The following UNC5D variants were observed in gnomAD, a reference collection of about 807,000 sequenced individuals.
The protein encoded by UNC5D is netrin receptor UNC5D.
UNC5D carries 39 observed loss-of-function variants against 105.4 expected under a neutral mutation model. The observed-to-expected ratio is 0.37, with a 90% CI of 0.29 to 0.48. UNC5D has a LOEUF of 0.48. Among genes scored for constraint, UNC5D ranks in the 20% least tolerant of loss-of-function variants. The probability of loss-of-function intolerance (pLI) is 0.98; values close to 1 mark genes in which losing one functional copy is unlikely to be tolerated. For synonymous variants in UNC5D, 452 were observed against 450.4 expected, an observed-to-expected ratio of 1.00 and a Z score of -0.04; for missense variants, 991 against 1,202.4, an observed-to-expected ratio of 0.82 and a Z score of 2.60.
chr8:35,507,137 G>A (rs1423806673), intron 1 of UNC5D, among the ~76,000 whole-genome samples: 2 of 133,568 alleles, frequency 1.5e-5, no homozygotes, highest in South Asian at 5.0e-4. Context: ...CTCACTGCAA[G>A]CTCCGCCTCC....
At chr8:35,737,894 G>A (rs1288224841) in intron 11 of UNC5D, among the ~76,000 whole-genome samples, 1 of 152,142 alleles carries the variant, frequency 6.6e-6, no homozygotes, top group African/African-American at 2.4e-5. Flanking sequence ...ATCACCTGAG[G>A]TCGGGAGTTC....
chr8:35,316,851 G>A (rs917417215), intron 1 of UNC5D, among the ~76,000 whole-genome samples: 1 of 152,044 alleles, frequency 6.6e-6, no homozygotes, highest in Non-Finnish European at 1.5e-5. Context: ...TATGCTGTCC[G>A]ATGGGTTAGC....
At chr8:35,487,512 C>G (rs1195732892) in intron 1 of UNC5D, among the ~76,000 whole-genome samples, 2 of 151,994 alleles carry the variant, frequency 1.3e-5, no homozygotes, top group Non-Finnish European at 2.9e-5. Flanking sequence ...TAGCCCTTCA[C>G]AAGTACATGA....
chr8:35,762,401 T>C (rs1354417695), intron 14 of UNC5D, among the ~76,000 whole-genome samples: 1 of 152,132 alleles, frequency 6.6e-6, no homozygotes, highest in Non-Finnish European at 1.5e-5. Flanking sequence ...GCCAGGTATA[T>C]TGGGTGAGAA....
chr8:35,472,195 A>G (rs1174131068), intron 1 of UNC5D, among the ~76,000 whole-genome samples: 1 of 152,218 alleles, frequency 6.6e-6, no homozygotes, highest in Non-Finnish European at 1.5e-5. Context: ...TATTATTCCC[A>G]TAGGTAGGAA....
chr8:35,756,318 C>T (rs1830515790), intron 13 of UNC5D, among the ~76,000 whole-genome samples: 1 of 151,946 alleles, frequency 6.6e-6, no homozygotes, highest in South Asian at 2.1e-4. Flanking sequence ...ATTTGAGGCC[C>T]TAGAGCAGAA....
chr8:35,712,279 A>G (rs1828012945), intron 8 of UNC5D, among the ~76,000 whole-genome samples: 1 of 152,208 alleles, frequency 6.6e-6, no homozygotes, highest in African/African-American at 2.4e-5. Context: ...TCAAAAAGAA[A>G]GAAAATCAAG....
rs757657413 is a variant in UNC5D, at chr8:35,614,476, C to T, written c.570+18819C>T. On this transcript the variant is annotated intron_variant, in intron 4 of 16. Coordinates refer to ENST00000404895, the MANE Select transcript of UNC5D (RefSeq NM_080872.4). ...AAGAATGTCTAATAGTCCACATAAACTTTGCTTTGAGGAGACTGACAATGA... is the reference window on the plus strand; with the variant it reads ...AAGAATGTCTAATAGTCCACATAAATTTTGCTTTGAGGAGACTGACAATGA... 7.4e-4 allele frequency among the ~76,000 whole-genome samples: 113 copies of T among 152,000 alleles called. 3 individuals are homozygous for T. Among genetic ancestry groups the T allele is most frequent in the Non-Finnish European group, 1.3e-4 (9 of 68,016 alleles).
chr8:35,330,935 A>G (rs1810579561), intron 1 of UNC5D, among the ~76,000 whole-genome samples: 1 of 152,224 alleles, frequency 6.6e-6, no homozygotes. Context: ...CAGGGAGACC[A>G]CAAATGTGAT....
At chr8:35,448,946 C>A (rs1022355759) in intron 1 of UNC5D, among the ~76,000 whole-genome samples, 1 of 152,006 alleles carries the variant, frequency 6.6e-6, no homozygotes, top group African/African-American at 2.4e-5. Flanking sequence ...GGATTTTATT[C>A]TTTTTTTATC....
chr8:35,679,657 G>T (rs1825522502), intron 4 of UNC5D, among the ~76,000 whole-genome samples: 1 of 152,094 alleles, frequency 6.6e-6, no homozygotes, highest in African/African-American at 2.4e-5. Context: ...AAAGTGGCGT[G>T]GTCTCATCCC....
intron 1 of UNC5D, among the ~76,000 whole-genome samples, chr8:35,378,095 A>C (rs2128929900): frequency 6.6e-6 from 1 of 151,758 alleles, no homozygotes; most frequent in South Asian, 2.1e-4. Flanking sequence ...ATGCCCCCAA[A>C]CCTTTACTGT....
intron 1 of UNC5D, among the ~76,000 whole-genome samples, chr8:35,454,414 G>T (rs570493772): frequency 6.6e-6 from 1 of 152,074 alleles, no homozygotes; most frequent in Admixed American, 6.6e-5. Flanking sequence ...AACACAGGAA[G>T]AGCTGCTCAC....
chr8:35,436,463 T>C (rs1807021804), intron 1 of UNC5D, among the ~76,000 whole-genome samples: 1 of 152,068 alleles, frequency 6.6e-6, no homozygotes, highest in Non-Finnish European at 1.5e-5. Context: ...AAATTAGTAT[T>C]ATAGAAGCTA....
At chr8:35,720,646 A>T (rs1259570786) in intron 8 of UNC5D, among the ~76,000 whole-genome samples, 2 of 152,198 alleles carry the variant, frequency 1.3e-5, no homozygotes, top group Admixed American at 1.3e-4. Flanking sequence ...GCACACGTGG[A>T]AACTGAGGCT....
At chr8:35,432,751 T>G (rs1806731308) in intron 1 of UNC5D, among the ~76,000 whole-genome samples, 1 of 152,176 alleles carries the variant, frequency 6.6e-6, no homozygotes, top group South Asian at 2.1e-4. Flanking sequence ...TTTTCATCTT[T>G]GCATGAGAAT....
chr8:35,602,880 C>G (rs1385691467), intron 4 of UNC5D, among the ~76,000 whole-genome samples: 3 of 116,054 alleles, frequency 2.6e-5, no homozygotes, highest in Admixed American at 1.2e-4. Flanking sequence ...CCCCTCCCCC[C>G]ACCCCACAAC....
At chr8:35,474,392 A>G (rs1482754091) in intron 1 of UNC5D, among the ~76,000 whole-genome samples, 1 of 152,226 alleles carries the variant, frequency 6.6e-6, no homozygotes, top group South Asian at 2.1e-4. Context: ...TCAGAAGATA[A>G]TACTTTCTAC....
chr8:35,525,386 G>A (rs1250088133), intron 1 of UNC5D: 81 of 1,612,004 alleles, frequency 5.0e-5, no homozygotes, highest in South Asian at 6.6e-5. Context: ...GCCATTTACA[G>A]TCTTTAATGG....
Sources: gnomAD v4.1 joint callset for allele counts (sites outside exome capture counted in the v4.1 genomes callset) on GRCh38, gnomAD v4.1.1 for gene constraint, MANE v1.5 for transcripts, NCBI Gene and HGNC (gene_info 2026-07-23, HGNC 2026-07-21) for gene names.